The following MNAT1 variants were observed in gnomAD, a reference collection of about 807,000 sequenced individuals.
MNAT1 encodes CDK-activating kinase assembly factor MAT1.
In MNAT1, 43 loss-of-function variants were observed where a neutral mutation model predicts 42.0. The ratio of observed to expected loss-of-function variants is 1.02; its 90% confidence interval spans 0.80 to 1.32. The LOEUF (loss-of-function observed/expected upper bound fraction) is 1.32. Among genes scored for constraint, MNAT1 ranks in the 40% most tolerant of loss-of-function variants. The pLI is 0.00. For missense variants in MNAT1, 306 were observed against 350.4 expected (o/e 0.87, Z 1.01); for synonymous variants, 118 against 120.0 (o/e 0.98, Z 0.11).
At chr14:60,744,792 G>A (rs140123858) in intron 1 of MNAT1, among the ~76,000 whole-genome samples, 3 of 152,302 alleles carry the variant, frequency 2.0e-5, no homozygotes, top group African/African-American at 7.2e-5. Flanking sequence ...ATTCTAGGAT[G>A]TGGTTCTTAC....
intron 6 of MNAT1, among the ~76,000 whole-genome samples, chr14:60,854,245 G>T (rs1329297813): frequency 6.6e-6 from 1 of 152,080 alleles, no homozygotes; most frequent in African/African-American, 2.4e-5. Flanking sequence ...GAGTTAGAAC[G>T]TGCTCCTTTA....
At chr14:60,865,714 A>G (rs2034188386) in intron 6 of MNAT1, among the ~76,000 whole-genome samples, 1 of 152,148 alleles carries the variant, frequency 6.6e-6, no homozygotes, top group Non-Finnish European at 1.5e-5. Flanking sequence ...TAACAACAAA[A>G]ACAAACAAAA....
At chr14:60,854,310 CA>C (rs1208963961) in intron 6 of MNAT1, among the ~76,000 whole-genome samples, 1 of 152,180 alleles carries the variant, frequency 6.6e-6, no homozygotes, top group Non-Finnish European at 1.5e-5. Flanking sequence ...GTCAGTTCAT[CA>C]ATCTCATTCT....
At chr14:60,929,170 A>AAAAAAT (rs1555336771) in intron 7 of MNAT1, among the ~76,000 whole-genome samples, 1 of 47,462 alleles carries the variant, frequency 2.1e-5, no homozygotes, top group East Asian at 4.8e-4. Flanking sequence ...AAAAAAAAAA[A>AAAAAAT]ATATATATAT....
intron 7 of MNAT1, among the ~76,000 whole-genome samples, chr14:60,950,724 C>G (rs533597365): frequency 2.0e-5 from 3 of 152,142 alleles, no homozygotes; most frequent in Non-Finnish European, 4.4e-5. Flanking sequence ...TATAGCTTAC[C>G]CTTCATTCAA....
At chr14:60,951,512 A>G (rs550565579) in intron 7 of MNAT1, among the ~76,000 whole-genome samples, 1 of 152,098 alleles carries the variant, frequency 6.6e-6, no homozygotes, top group African/African-American at 2.4e-5. Context: ...TTCTGTGGAT[A>G]ATCTAATGCT....
intron 7 of MNAT1, among the ~76,000 whole-genome samples, chr14:60,935,554 T>C (rs1376947455): frequency 6.6e-6 from 1 of 152,170 alleles, no homozygotes; most frequent in Non-Finnish European, 1.5e-5. Flanking sequence ...TTATTTTCAG[T>C]ATTTTAAATT....
rs4151152 is a variant in MNAT1 at position 60,735,306 on chromosome 14, G to A, written c.89+355G>A. On this transcript the variant is annotated intron_variant, in intron 1 of 7. Coordinates refer to ENST00000261245, the MANE Select transcript of MNAT1 (RefSeq NM_002431.4). ...TTGGAGTGTTTATTTCATATGAAAT[G>A]TTTTTATTGAAAAAGTGCGAAAGTG... Among the ~76,000 whole-genome samples, 247 of 152,226 alleles carry A rather than the reference G, an allele frequency of 1.6e-3. 1 individual carries two copies. The highest frequency in any genetic ancestry group is 2.9e-3 in the Non-Finnish European group (200 of 67,996).
At chr14:60,879,886 T>C in intron 7 of MNAT1, 51 bp downstream of exon 7, 1 of 1,581,702 alleles carries the variant, frequency 6.3e-7, no homozygotes, top group East Asian at 2.3e-5. Flanking sequence ...TGGGACTTAT[T>C]GCTGTTCTTA....
At chr14:60,964,551 C>T (rs891841131) in intron 7 of MNAT1, among the ~76,000 whole-genome samples, 11 of 152,112 alleles carry the variant, frequency 7.2e-5, no homozygotes, top group African/African-American at 2.4e-4. Context: ...TTCCTGGTTT[C>T]TGCTTATACG....
chr14:60,939,469 C>G (rs1165020737), intron 7 of MNAT1, among the ~76,000 whole-genome samples: 1 of 152,162 alleles, frequency 6.6e-6, no homozygotes, highest in East Asian at 1.9e-4. Flanking sequence ...ATCTTAATTT[C>G]TGCCTTGATT....
intron 6 of MNAT1, among the ~76,000 whole-genome samples, chr14:60,863,143 T>C (rs2034134291): frequency 1.3e-5 from 2 of 152,146 alleles, no homozygotes; most frequent in Admixed American, 1.3e-4. Flanking sequence ...AATACTTTTA[T>C]ACATTTGTGA....
rs1555381081 is a variant in MNAT1, at chr14:60,857,351, A to ACCTCT, written c.688-22363_688-22362insCCTCT. 5.0e-3 allele frequency among the ~76,000 whole-genome samples: 758 copies of ACCTCT among 152,318 alleles called. 10 individuals carry two copies. Among genetic ancestry groups the ACCTCT allele is most frequent in the African/African-American group, 0.016 (682 of 41,574 alleles). On this transcript the variant is annotated intron_variant, in intron 6 of 7. Transcript: ENST00000261245. ...GAAGAGGTAACTGCAGATGTGGTAG[A>ACCTCT]AACAATAAGAGAACTAGAATTAGCA... is the stretch of plus-strand genomic sequence containing the variant.
chr14:60,945,794 A>AT (rs1459475729), intron 7 of MNAT1, among the ~76,000 whole-genome samples: 1 of 152,202 alleles, frequency 6.6e-6, no homozygotes, highest in Non-Finnish European at 1.5e-5. Context: ...TTCAGGTATC[A>AT]TTTTGCACAC....
chr14:60,736,757 A>G (rs1896320645), intron 1 of MNAT1, among the ~76,000 whole-genome samples: 4 of 152,212 alleles, frequency 2.6e-5, no homozygotes, highest in African/African-American at 9.7e-5. Context: ...TTGTTGGTAC[A>G]ATAGAGAAAA....
chr14:60,764,474 T>C (rs1225851582), intron 1 of MNAT1, among the ~76,000 whole-genome samples: 1 of 2,584 alleles, frequency 3.9e-4, no homozygotes, highest in African/African-American at 5.2e-4. Context: ...AATGGGCTAT[T>C]TGGGTTGGAA....
chr14:60,869,081 C>CA (rs1441267325), intron 6 of MNAT1, among the ~76,000 whole-genome samples: 2 of 137,452 alleles, frequency 1.5e-5, no homozygotes, highest in African/African-American at 5.3e-5. Flanking sequence ...GCTCTGTTGC[C>CA]AGGCTGGAGT....
rs577509508 is a variant in MNAT1 at position 60,884,278 on chromosome 14, T to C, written c.809+4443T>C. On this transcript the variant is annotated intron_variant, in intron 7 of 7. Coordinates refer to ENST00000261245, the MANE Select transcript of MNAT1 (RefSeq NM_002431.4). Reference sequence around the variant, plus strand: ...TTTGAGGGTTTTTACCATGAAAGAATGTTGAATTTTATTAAATGCTTACTC... The same window carrying C: ...TTTGAGGGTTTTTACCATGAAAGAACGTTGAATTTTATTAAATGCTTACTC... 2.6e-5 allele frequency among the ~76,000 whole-genome samples: 4 copies of C among 151,774 alleles called. No individual in the cohort carries two copies. In the South Asian group the frequency reaches 8.3e-4, roughly 31 times the overall value.
In MNAT1 at chr14:60,944,591, T is replaced by G. The variant is rs4151379; in HGVS notation, c.810-23638T>G. The stretch of plus-strand genomic sequence containing the variant: ...GACAAATAGACTATTACCATATAGC[T>G]TTAGAATCAAACATTTAATGTTAAA... On this transcript the variant is annotated intron_variant, in intron 7 of 7. Coordinates refer to ENST00000261245, the MANE Select transcript of MNAT1 (RefSeq NM_002431.4). Among the ~76,000 whole-genome samples, 1,274 of 152,334 alleles carry G rather than the reference T, an allele frequency of 8.4e-3. 6 individuals are homozygous for G. Among genetic ancestry groups the G allele is most frequent in the Non-Finnish European group, 0.012 (850 of 68,030 alleles).
Sources: gnomAD v4.1 joint callset for allele counts (sites outside exome capture counted in the v4.1 genomes callset) on GRCh38, gnomAD v4.1.1 for gene constraint, MANE v1.5 for transcripts, NCBI Gene and HGNC (gene_info 2026-07-23, HGNC 2026-07-21) for gene names.